The following RAD51 variants were observed in gnomAD, a reference collection of about 807,000 sequenced individuals.
RAD51 encodes RAD51 recombinase.
A neutral mutation model predicts 41.5 loss-of-function variants in RAD51; 14 were observed. The observed-to-expected ratio is 0.34, with a 90% CI of 0.22 to 0.53. RAD51 has a LOEUF of 0.53. Ranked by LOEUF, RAD51 falls within the 20% of genes least tolerant of loss-of-function variation. The pLI is 0.95. For missense variants in RAD51, 234 were observed against 422.0 expected (o/e 0.55, Z 3.90); for synonymous variants, 136 against 148.6 (o/e 0.92, Z 0.62).
At chr15:40,700,582 A>G (rs916416622) in intron 2 of RAD51, among the ~76,000 whole-genome samples, 18 of 152,174 alleles carry the variant, frequency 1.2e-4, no homozygotes, top group Admixed American at 9.2e-4. Flanking sequence ...TTTAATTCCA[A>G]TTGCTAATAG....
chr15:40,730,082 G>C (rs985366251), intron 9 of RAD51, 108 bp downstream of exon 9: 4 of 1,429,548 alleles, frequency 2.8e-6, no homozygotes, highest in Non-Finnish European at 3.9e-6. Flanking sequence ...CTGTTGTATA[G>C]ACACTTAGGA....
At chr15:40,717,697 T>G (rs913473938) in intron 5 of RAD51, among the ~76,000 whole-genome samples, 4 of 152,218 alleles carry the variant, frequency 2.6e-5, no homozygotes, top group Admixed American at 6.5e-5. Flanking sequence ...TAAATATGTT[T>G]TTTTCTTCTT....
intron 3 of RAD51, among the ~76,000 whole-genome samples, chr15:40,705,350 T>G (rs1895264643): frequency 6.6e-6 from 1 of 152,182 alleles, no homozygotes; most frequent in South Asian, 2.1e-4. Flanking sequence ...ACAGAACACT[T>G]ATCTGTAATT....
In RAD51 at chr15:40,701,869, C is replaced by T. The variant is rs187196981; in HGVS notation, c.225+668C>T. 608 of 384,064 alleles carry T rather than the reference C, an allele frequency of 1.6e-3. 5 individuals carry two copies. In the Middle Eastern group the frequency reaches 0.017, roughly 10 times the overall value. The allele number at this position is 384,064 out of a possible 1,614,324, so 23.8% of individuals were successfully genotyped here. ...CGTGATCTTGGTCTACTGCACCCTC[C>T]GCCTCTCAGGTTCAAGTGATTCTCC... On this transcript the variant is annotated intron_variant, in intron 3 of 9. Coordinates refer to ENST00000267868, the MANE Select transcript of RAD51 (RefSeq NM_002875.5).
chr15:40,729,600 G>C lies in RAD51; in HGVS notation c.740G>C (p.Arg247Thr). 6.2e-7 allele frequency: 1 copy of C among 1,614,050 alleles called. No homozygotes were observed. Among genetic ancestry groups the C allele is most frequent in the Non-Finnish European group, 8.5e-7 (1 of 1,180,030 alleles). ...ELSARQMHLA[R>T]FLRMLLRLAD... ...TCAGCCAGGCAGATGCACTTGGCCA[G>C]GTTTCTGCGGATGCTTCTGCGACTC... Residue 247 changes from arginine (R) to threonine (T), a missense_variant, in exon 8 of 10, where the codon AGG becomes ACG. Arg to Thr is a moderately conservative substitution (Grantham distance 71, BLOSUM62 -1). This residue lies in a region of RAD51 where 134 missense variants were observed against 286.5 expected (regional missense o/e 0.47). Coordinates refer to ENST00000267868, the MANE Select transcript of RAD51 (RefSeq NM_002875.5).
intron 6 of RAD51, among the ~76,000 whole-genome samples, chr15:40,726,853 C>T (rs1196072689): frequency 6.8e-6 from 1 of 148,046 alleles, no homozygotes; most frequent in African/African-American, 2.5e-5. Context: ...GCGGAACTTG[C>T]AATGAGCCGA....
In RAD51 at chr15:40,706,199, C is replaced by G; in HGVS notation, c.248C>G (p.Pro83Arg). 1.9e-6 allele frequency: 3 copies of G among 1,613,894 alleles called. No individual in the cohort carries two copies. The highest frequency in any genetic ancestry group is 2.5e-6 in the Non-Finnish European group (3 of 1,179,884). ...KILAEAAKLV[P>R]MGFTTATEFH... is the part of the protein sequence containing the mutation. Reference sequence around the variant, plus strand: ...CAGGCTGAGGCAGCTAAATTAGTTCCAATGGGTTTCACCACTGCAACTGAA... The same window carrying G: ...CAGGCTGAGGCAGCTAAATTAGTTCGAATGGGTTTCACCACTGCAACTGAA... The change falls in exon 4 of 10, where the codon CCA becomes CGA. Residue 83 changes from proline to arginine, a missense_variant. This residue lies in a region of RAD51 where 100 missense variants were observed against 135.5 expected (regional missense o/e 0.74). Coordinates refer to ENST00000267868, the MANE Select transcript of RAD51 (RefSeq NM_002875.5).
At chr15:40,720,515 G>A (rs994720198) in intron 6 of RAD51, among the ~76,000 whole-genome samples, 8 of 151,982 alleles carry the variant, frequency 5.3e-5, no homozygotes, top group South Asian at 2.1e-4. Context: ...TGAAATAAAC[G>A]GCATCCAGAT....
intron 6 of RAD51, among the ~76,000 whole-genome samples, chr15:40,726,462 A>T (rs747404554): frequency 6.6e-6 from 1 of 151,648 alleles, no homozygotes; most frequent in Non-Finnish European, 1.5e-5. Context: ...CCTTGTTGGC[A>T]AGGCTAGTCT....
chr15:40,716,817 C>T (rs1019427098), intron 5 of RAD51, among the ~76,000 whole-genome samples: 18 of 151,484 alleles, frequency 1.2e-4, no homozygotes, highest in Admixed American at 5.9e-4. Flanking sequence ...GCCGCCACCA[C>T]GCCCGGCTAA....
At chr15:40,730,544 TG>T (rs1896827067) in intron 9 of RAD51, among the ~76,000 whole-genome samples, 2 of 144,756 alleles carry the variant, frequency 1.4e-5, no homozygotes, top group African/African-American at 5.2e-5. Flanking sequence ...TTTTTTGAGA[TG>T]GAGTCTCGCT....
intron 9 of RAD51, among the ~76,000 whole-genome samples, chr15:40,730,803 T>G (rs1211554251): frequency 6.6e-6 from 1 of 151,970 alleles, no homozygotes; most frequent in East Asian, 1.9e-4. Flanking sequence ...ATTACAGGCG[T>G]GAGCCACCAT....
intron 1 of RAD51, among the ~76,000 whole-genome samples, chr15:40,698,257 C>T (rs556311591): frequency 6.3e-4 from 95 of 151,218 alleles, no homozygotes; most frequent in African/African-American, 2.2e-3. Context: ...GGCACGATCT[C>T]GGCTCACTGC....
rs545037850 is a variant in RAD51, at chr15:40,715,784, A to G, written c.436-3021A>G. On this transcript the variant is annotated intron_variant, in intron 5 of 9. Coordinates refer to ENST00000267868, the MANE Select transcript of RAD51 (RefSeq NM_002875.5). ...GCCAAGGAAGTCTATTCAATTGGAA[A>G]AGAATCCCCTGTCATGTTAGCACTT... 3.9e-5 allele frequency among the ~76,000 whole-genome samples: 6 copies of G among 152,308 alleles called. No individual in the cohort carries two copies. In the South Asian group the frequency reaches 1.0e-3, roughly 26 times the overall value.
chr15:40,728,717 T>G lies in RAD51; in HGVS notation c.537T>G (p.Gly179=). The G allele has an allele frequency of 6.2e-7, 1 of 1,613,736 alleles. No individual in the cohort carries two copies. Among genetic ancestry groups the G allele is most frequent in the Non-Finnish European group, 8.5e-7 (1 of 1,179,722 alleles). Residue 179 remains glycine, a synonymous_variant, in exon 7 of 10, where the codon GGT becomes GGG. Coordinates refer to ENST00000267868, the MANE Select transcript of RAD51 (RefSeq NM_002875.5). ...GTTCTCTCCTCTCTCATAGGTATGG[T>G]CTCTCTGGCAGTGATGTCCTGGATA... The part of the protein sequence containing the change: ...ERLLAVAERY[G]LSGSDVLDNV...
intron 1 of RAD51, among the ~76,000 whole-genome samples, chr15:40,697,954 G>T (rs1382154760): frequency 6.6e-6 from 1 of 152,132 alleles, no homozygotes. Context: ...TTCTCTTTGT[G>T]ATGAGAACAT....
intron 4 of RAD51, among the ~76,000 whole-genome samples, chr15:40,706,733 T>C (rs998426222): frequency 3.2e-4 from 48 of 152,266 alleles, no homozygotes; most frequent in African/African-American, 1.1e-3. Context: ...AGTATCCACA[T>C]TGAAGAGGTA....
At chr15:40,706,360 A>C in intron 4 of RAD51, 66 bp downstream of exon 4, 1 of 1,273,392 alleles carries the variant, frequency 7.9e-7, no homozygotes, top group East Asian at 2.3e-5. Flanking sequence ...ATAAAACAAA[A>C]CTGAAATATT....
At chr15:40,730,958 A>C (rs1327345144) in intron 9 of RAD51, 97 bp from the exon 10 acceptor site, 3 of 1,498,040 alleles carry the variant, frequency 2.0e-6, no homozygotes, top group East Asian at 4.6e-5. Context: ...TTCTAGGAAG[A>C]ATATATGTCT....
Sources: allele counts gnomAD v4.1 joint callset (sites outside exome capture counted in the v4.1 genomes callset), GRCh38; gene constraint gnomAD v4.1.1; regional missense constraint gnomAD v4.1.1; transcripts MANE v1.5; gene names NCBI Gene and HGNC (gene_info 2026-07-23, HGNC 2026-07-21).